RTTN: variants seen among roughly 807,000 people sequenced by gnomAD.
The protein encoded by RTTN is rotatin.
RTTN carries 182 observed loss-of-function variants against 269.2 expected under a neutral mutation model. That is an observed-to-expected ratio of 0.68 (90% CI 0.60 to 0.76). The LOEUF is 0.76. RTTN is among the 30% of genes least tolerant of loss of function. RTTN has a pLI of 0.00. For missense variants in RTTN, 2,545 were observed against 2,608.6 expected (o/e 0.98, Z 0.53); for synonymous variants, 1,006 against 963.5 (o/e 1.04, Z -0.82).
intron 32 of RTTN, among the ~76,000 whole-genome samples, chr18:70,085,793 G>C (rs539023791): frequency 1.1e-4 from 17 of 152,210 alleles, no homozygotes; most frequent in African/African-American, 3.9e-4. Flanking sequence ...TGGACATAAA[G>C]ACAGACATAA....
chr18:70,141,643 G>A (rs962873424), intron 19 of RTTN, among the ~76,000 whole-genome samples: 7 of 152,088 alleles, frequency 4.6e-5, no homozygotes, highest in African/African-American at 1.7e-4. Flanking sequence ...GGTTGGGGGA[G>A]GGATAGCATT....
chr18:70,029,846 G>T (rs1243240347), intron 42 of RTTN, among the ~76,000 whole-genome samples, 166 bp downstream of exon 42: 1 of 152,004 alleles, frequency 6.6e-6, no homozygotes. Context: ...TAAGAATTAA[G>T]ACCAAAAAAA....
Position 70,205,210 on chromosome 18 carries a change from A to T in RTTN, c.137T>A (p.Phe46Tyr), listed in dbSNP as rs1024967394. ...YADLIQERQL[F>Y]LHLLEWFNFP... ...ATTGAACCATTCCAGCAAATGAAGA[A>T]AAAGTTGCCTCTCCTGAATGAGATC... Residue 46 changes from phenylalanine (F) to tyrosine (Y), a missense_variant, in exon 2 of 49, where the codon TTT (phenylalanine) becomes TAT (tyrosine). Transcript: ENST00000640769. The T allele has an allele frequency of 6.2e-7, 1 of 1,614,142 alleles. No individual in the cohort carries two copies. The highest frequency in any genetic ancestry group is 1.3e-5 in the African/African-American group (1 of 74,940).
intron 14 of RTTN, among the ~76,000 whole-genome samples, chr18:70,157,213 A>G (rs916781691): frequency 1.3e-5 from 2 of 152,218 alleles, no homozygotes; most frequent in African/African-American, 2.4e-5. Context: ...GGCAGTCACC[A>G]TCGGAAAGTT....
At chr18:70,008,499 A>G (rs527732256) in intron 46 of RTTN, 11 of 152,256 alleles carry the variant, frequency 7.2e-5, no homozygotes, top group African/African-American at 2.6e-4. Flanking sequence ...AAGGAAGCTA[A>G]GAACCTTGAT....
chr18:70,124,196 A>G (rs182001204), intron 25 of RTTN, among the ~76,000 whole-genome samples: 71 of 152,212 alleles, frequency 4.7e-4, no homozygotes, highest in African/African-American at 1.6e-3. Context: ...AAAGGACAGA[A>G]TAACAGGTAG....
rs763211093 is a variant in RTTN at position 70,127,611 on chromosome 18, C to T, written c.3274G>A (p.Val1092Ile). Residue 1092 changes from valine to isoleucine, a missense_variant, in exon 25 of 49, where the codon GTC becomes ATC. Transcript: ENST00000640769. ...AGAAGATAAAAACTCATCCTGGTGA[C>T]AGCAGCCCTAACTTCCCTGTGGGTT... ...AATHREVRAA[V>I]TRMSFYLLND... 21 of 1,613,406 alleles carry T rather than the reference C, an allele frequency of 1.3e-5. No individual in the cohort carries two copies. The highest frequency in any genetic ancestry group is 1.6e-4 in the Middle Eastern group (1 of 6,080).
intron 33 of RTTN, 121 bp downstream of exon 33, chr18:70,075,231 G>T: frequency 1.5e-6 from 1 of 647,710 alleles, no homozygotes; most frequent in Non-Finnish European, 2.5e-6. Context: ...GGTAGAACTG[G>T]AAATGAATGT....
At chr18:70,117,219 A>T (rs1347227110) in intron 26 of RTTN, among the ~76,000 whole-genome samples, 1 of 152,066 alleles carries the variant, frequency 6.6e-6, no homozygotes, top group African/African-American at 2.4e-5. Context: ...CAACTTTTGT[A>T]TATCTTTTCA....
rs760334816 is a variant in RTTN at position 70,006,501 on chromosome 18, ATTTT to A, written c.6422-21_6422-18del. ...TGACTTTTTCTAAAAATGAACATAT[ATTTT>A]TTAAAAGTTCAGTCCCAGACACTGC... On this transcript the variant is annotated intron_variant, in intron 46 of 48. Coordinates refer to ENST00000640769, the MANE Select transcript of RTTN (RefSeq NM_173630.4). The A allele has an allele frequency of 6.3e-7, 1 of 1,596,528 alleles. No homozygotes were observed. Among genetic ancestry groups the A allele is most frequent in the Admixed American group, 1.7e-5 (1 of 60,004 alleles).
At chr18:70,034,102 T>C (rs1394399587) in intron 40 of RTTN, among the ~76,000 whole-genome samples, 2 of 152,130 alleles carry the variant, frequency 1.3e-5, no homozygotes, top group South Asian at 2.1e-4. Flanking sequence ...ATCAGATGGA[T>C]TGACAGCCAA....
chr18:70,099,088 T>C (rs2059084330), intron 28 of RTTN, among the ~76,000 whole-genome samples: 1 of 152,204 alleles, frequency 6.6e-6, no homozygotes, highest in African/African-American at 2.4e-5. Flanking sequence ...GCATGATTTA[T>C]AATCCTTTGG....
At chr18:70,016,190 T>C (rs1030949766) in intron 46 of RTTN, among the ~76,000 whole-genome samples, 6 of 128,226 alleles carry the variant, frequency 4.7e-5, no homozygotes, top group Non-Finnish European at 7.0e-5. Flanking sequence ...ATCAGAAAAA[T>C]AGAATCACAA....
At chr18:70,132,052 A>G (rs564146418) in intron 23 of RTTN, 2 of 152,128 alleles carry the variant, frequency 1.3e-5, no homozygotes, top group African/African-American at 2.4e-5. Flanking sequence ...AGCTACAGTC[A>G]TAAGAGATCG....
At chr18:70,079,211 GTATT>G (rs1395396113) in intron 32 of RTTN, among the ~76,000 whole-genome samples, 1 of 151,480 alleles carries the variant, frequency 6.6e-6, no homozygotes, top group Non-Finnish European at 1.5e-5. Context: ...TTAACCATAT[GTATT>G]TATTACTTGA....
At chr18:70,143,076 G>C (rs962947852) in intron 18 of RTTN, among the ~76,000 whole-genome samples, 1 of 152,066 alleles carries the variant, frequency 6.6e-6, no homozygotes, top group Non-Finnish European at 1.5e-5. Context: ...ATGGTCCCTC[G>C]TAGCAGTTTT....
intron 25 of RTTN, among the ~76,000 whole-genome samples, chr18:70,121,959 A>G (rs2059749312): frequency 6.6e-6 from 1 of 152,182 alleles, no homozygotes; most frequent in African/African-American, 2.4e-5. Context: ...AAAATAACAA[A>G]TTCAGAAAAA....
In RTTN at chr18:70,184,703, GTTTTT is replaced by G. The variant is rs374636456; in HGVS notation, c.1305+3400_1305+3404del. ...TCAATTCCATTCAAAACCACAGCAGGTTTTTTTTTTTTTTGTGTGTGTGTGTGTGT... is the reference window on the plus strand; with the variant it reads ...TCAATTCCATTCAAAACCACAGCAGGTTTTTTTTTGTGTGTGTGTGTGTGT... On this transcript the variant is annotated intron_variant, in intron 10 of 48. Transcript: ENST00000640769. Among the ~76,000 whole-genome samples the G allele has an allele frequency of 6.6e-3, 175 of 26,370 alleles. 1 individual carries two copies. Among genetic ancestry groups the G allele is most frequent in the Admixed American group, 0.015 (23 of 1,582 alleles). The allele number at this position is 26,370 out of a possible 152,430, so 17.3% of individuals were successfully genotyped here. A position where few individuals can be genotyped will look rare whatever the true frequency, so the allele number is the denominator to read the frequency against.
rs542058424 is a variant in RTTN, at chr18:70,039,286, G to C, written c.5542-8305C>G. ...TCATAATCAAACTCCTAAAGGTCAAGGATAAAGAAAAGATCCTAAAAGCAG... is the reference window on the plus strand; with the variant it reads ...TCATAATCAAACTCCTAAAGGTCAACGATAAAGAAAAGATCCTAAAAGCAG... On this transcript the variant is annotated intron_variant, in intron 40 of 48. Transcript: ENST00000640769. Among the ~76,000 whole-genome samples the C allele has an allele frequency of 2.0e-5, 3 of 151,522 alleles. No individual in the cohort carries two copies. In the East Asian group the frequency reaches 5.8e-4, roughly 29 times the overall value.
Sources: allele counts gnomAD v4.1 joint callset (sites outside exome capture counted in the v4.1 genomes callset), GRCh38; gene constraint gnomAD v4.1.1; transcripts MANE v1.5; gene names NCBI Gene and HGNC (gene_info 2026-07-23, HGNC 2026-07-21).